The following SPMIP7 variants were observed in gnomAD, a reference collection of about 807,000 sequenced individuals.
SPMIP7 encodes the protein sperm microtubule inner protein 7, also known as protein SPMIP7.
chr7:50,156,859 C>T, the SPMIP7 span, among the ~76,000 whole-genome samples: 40 of 152,076 alleles, frequency 2.6e-4, no homozygotes, highest in Non-Finnish European at 5.4e-4. Context: ...TGTGAGCTGC[C>T]ACCCTGTTCT....
the SPMIP7 span, chr7:50,104,392 A>G: frequency 1.3e-6 from 2 of 1,529,028 alleles, no homozygotes; most frequent in Non-Finnish European, 1.8e-6. Context: ...TTTACATTTG[A>G]TGAGGAGGCA....
the SPMIP7 span, among the ~76,000 whole-genome samples, chr7:50,125,300 ATATATATACC>A: frequency 4.4e-3 from 476 of 109,190 alleles, 26 homozygotes; most frequent in East Asian, 6.2e-3. Context: ...ATATATACAC[ATATATATACC>A]CATATATACA....
chr7:50,151,487 T>C, the SPMIP7 span: 1 of 1,551,716 alleles, frequency 6.4e-7, no homozygotes, highest in East Asian at 2.4e-5. Context: ...CAAGGTTCAT[T>C]TCACAGCCAC....
At chr7:50,104,937 C>G in the SPMIP7 span, among the ~76,000 whole-genome samples, 12 of 152,318 alleles carry the variant, frequency 7.9e-5, no homozygotes, top group East Asian at 2.3e-3. Context: ...ACAATCCTCT[C>G]TGAATCCCTG....
the SPMIP7 span, among the ~76,000 whole-genome samples, chr7:50,114,284 A>T: frequency 2.6e-5 from 4 of 152,298 alleles, no homozygotes; most frequent in South Asian, 8.3e-4. Context: ...TCTTTACAGT[A>T]TCACTGTTTA....
At chr7:50,155,861 C>CCG in the SPMIP7 span, among the ~76,000 whole-genome samples, 2 of 148,120 alleles carry the variant, frequency 1.4e-5, 1 homozygote. Context: ...GCACATACAG[C>CCG]TCTCATCCAT....
the SPMIP7 span, among the ~76,000 whole-genome samples, chr7:50,137,627 A>T: frequency 1.3e-5 from 2 of 152,148 alleles, no homozygotes; most frequent in African/African-American, 4.8e-5. Flanking sequence ...GGAATCTCCC[A>T]TTATAAGTGC....
chr7:50,126,501 A>G, the SPMIP7 span, among the ~76,000 whole-genome samples: 1 of 152,016 alleles, frequency 6.6e-6, no homozygotes, highest in Non-Finnish European at 1.5e-5. Flanking sequence ...TTTCAGAAAT[A>G]AAAGAGGGAG....
the SPMIP7 span, among the ~76,000 whole-genome samples, chr7:50,133,316 A>G: frequency 3.3e-5 from 5 of 152,256 alleles, no homozygotes; most frequent in Middle Eastern, 3.4e-3. Flanking sequence ...AAAAACTTGT[A>G]CAATTTGGCT....
the SPMIP7 span, among the ~76,000 whole-genome samples, chr7:50,110,937 T>G: frequency 7.1e-6 from 1 of 140,214 alleles, no homozygotes; most frequent in East Asian, 2.0e-4. Flanking sequence ...ATATAATATG[T>G]AAAATATAAA....
the SPMIP7 span, among the ~76,000 whole-genome samples, chr7:50,130,164 T>C: frequency 4.1e-3 from 630 of 152,218 alleles, 4 homozygotes; most frequent in African/African-American, 0.014. Flanking sequence ...CATCAGTGAG[T>C]AGGCAAAGAT....
the SPMIP7 span, among the ~76,000 whole-genome samples, chr7:50,130,345 C>T: frequency 4.6e-5 from 7 of 152,040 alleles, no homozygotes; most frequent in East Asian, 7.7e-4. Context: ...AGCAAAGTTA[C>T]GTCTTATATG....
the SPMIP7 span, chr7:50,133,981 T>A: frequency 1.3e-6 from 1 of 742,718 alleles, no homozygotes; most frequent in Non-Finnish European, 2.1e-6. Context: ...TTATATATGG[T>A]ATACACACCA....
At chr7:50,149,186 CT>C in the SPMIP7 span, among the ~76,000 whole-genome samples, 1 of 151,872 alleles carries the variant, frequency 6.6e-6, no homozygotes, top group African/African-American at 2.4e-5. Flanking sequence ...GCATTGGTAC[CT>C]TTCAAGATGC....
At chr7:50,142,679 C>G in the SPMIP7 span, 3 of 152,246 alleles carry the variant, frequency 2.0e-5, no homozygotes, top group East Asian at 5.8e-4. Context: ...CGTAAGTAAA[C>G]TCCTGTGTAT....
the SPMIP7 span, among the ~76,000 whole-genome samples, chr7:50,151,722 C>G: frequency 6.6e-6 from 1 of 152,204 alleles, no homozygotes; most frequent in South Asian, 2.1e-4. Context: ...TTTCCATTTT[C>G]CTACTGAGGG....
the SPMIP7 span, among the ~76,000 whole-genome samples, chr7:50,143,739 C>T: frequency 6.6e-6 from 1 of 152,116 alleles, no homozygotes; most frequent in Non-Finnish European, 1.5e-5. Context: ...ATAACAATGA[C>T]AATATAACCA....
chr7:50,125,877 T>G, the SPMIP7 span, among the ~76,000 whole-genome samples: 1 of 152,076 alleles, frequency 6.6e-6, no homozygotes, highest in Non-Finnish European at 1.5e-5. Context: ...AGTTTTAAGA[T>G]GAATTAGTTC....
chr7:50,128,877 C>T, the SPMIP7 span, among the ~76,000 whole-genome samples: 1 of 152,026 alleles, frequency 6.6e-6, no homozygotes, highest in African/African-American at 2.4e-5. Flanking sequence ...TATAGCCTCT[C>T]CTAAACAAAT....
Sources: gnomAD v4.1 joint callset for allele counts (sites outside exome capture counted in the v4.1 genomes callset) on GRCh38, gnomAD v4.1.1 for gene constraint, MANE v1.5 for transcripts, NCBI Gene and HGNC (gene_info 2026-07-23, HGNC 2026-07-21) for gene names.